Variants in ARHGAP26 observed in about 807,000 individuals in gnomAD.
ARHGAP26 encodes the protein rho GTPase-activating protein 26.
In ARHGAP26, 38 loss-of-function variants were observed where a neutral mutation model predicts 104.8. That is an observed-to-expected ratio of 0.36 (90% CI 0.28 to 0.48). The LOEUF (loss-of-function observed/expected upper bound fraction) is 0.48, where lower values mean the gene tolerates loss of function less well. Among genes scored for constraint, ARHGAP26 ranks in the 20% least tolerant of loss-of-function variants. The pLI is 0.99. For synonymous variants in ARHGAP26, 341 were observed against 340.0 expected (o/e 1.00, Z -0.03); for missense variants, 704 against 947.9 (o/e 0.74, Z 3.38).
intron 20 of ARHGAP26, among the ~76,000 whole-genome samples, chr5:143,161,251 A>G (rs1027872807): frequency 2.6e-5 from 4 of 151,962 alleles, no homozygotes; most frequent in African/African-American, 9.7e-5. Flanking sequence ...ACCTCAGGTG[A>G]TCCACCCGTC....
intron 11 of ARHGAP26, among the ~76,000 whole-genome samples, chr5:142,943,810 C>T (rs1056680817): frequency 9.2e-5 from 14 of 152,168 alleles, no homozygotes; most frequent in African/African-American, 3.4e-4. Context: ...CCTTTATAGG[C>T]TTGAGCACCT....
chr5:143,118,175 A>G (rs996438780), intron 17 of ARHGAP26, among the ~76,000 whole-genome samples: 4 of 152,238 alleles, frequency 2.6e-5, no homozygotes, highest in African/African-American at 9.6e-5. Flanking sequence ...AGAACATTTC[A>G]GGCAGAGGAA....
rs148468470 is a variant in ARHGAP26 at position 143,081,588 on chromosome 5, G to T, written c.1538+23841G>T. 2.6e-5 allele frequency among the ~76,000 whole-genome samples: 4 copies of T among 152,278 alleles called. No homozygotes were observed. The South Asian group carries it at 8.3e-4, about 32-fold the overall frequency. ...AGAAAATTACCTACCATCCGAAGAC[G>T]GTGAAAACAGAGGTGTCCTTGTTTA... On this transcript the variant is annotated intron_variant, in intron 17 of 22. Transcript: ENST00000645722.
chr5:143,187,267 A>C (rs1805293508), intron 20 of ARHGAP26, among the ~76,000 whole-genome samples: 1 of 152,222 alleles, frequency 6.6e-6, no homozygotes. Context: ...CTGTTAATTC[A>C]GTATTCTTAA....
chr5:143,192,917 T>C (rs1018925045), intron 20 of ARHGAP26, among the ~76,000 whole-genome samples: 14 of 152,336 alleles, frequency 9.2e-5, no homozygotes, highest in African/African-American at 3.1e-4. Context: ...TACATTTTAT[T>C]GTTGGATCCA....
intron 6 of ARHGAP26, among the ~76,000 whole-genome samples, chr5:142,894,638 CCAGAGGGGA>C (rs1353094731): frequency 6.6e-6 from 1 of 152,150 alleles, no homozygotes; most frequent in African/African-American, 2.4e-5. Flanking sequence ...AAATGGGAGT[CCAGAGGGGA>C]GGGGTTCTCT....
chr5:142,979,028 G>A (rs1773539337), intron 11 of ARHGAP26, among the ~76,000 whole-genome samples: 1 of 152,156 alleles, frequency 6.6e-6, no homozygotes, highest in Non-Finnish European at 1.5e-5. Context: ...GTGGACTTGG[G>A]TTGGGACTTG....
intron 9 of ARHGAP26, among the ~76,000 whole-genome samples, chr5:142,912,986 A>G (rs1226164854): frequency 6.6e-6 from 1 of 152,198 alleles, no homozygotes; most frequent in Non-Finnish European, 1.5e-5. Flanking sequence ...CGTACTAAAG[A>G]TGTTTGGGTC....
intron 1 of ARHGAP26, among the ~76,000 whole-genome samples, chr5:142,820,146 A>T (rs1277404010): frequency 2.0e-5 from 3 of 152,218 alleles, no homozygotes; most frequent in African/African-American, 4.8e-5. Context: ...TGCATTTCAC[A>T]TGCATTTAGA....
At chr5:142,869,173 C>T (rs1754851562) in intron 1 of ARHGAP26, among the ~76,000 whole-genome samples, 2 of 149,478 alleles carry the variant, frequency 1.3e-5, no homozygotes, top group African/African-American at 5.0e-5. Flanking sequence ...GAGCTGTAAT[C>T]ACTTTCTTTT....
At chr5:142,973,216 T>A (rs1360114836) in intron 11 of ARHGAP26, among the ~76,000 whole-genome samples, 1 of 152,060 alleles carries the variant, frequency 6.6e-6, no homozygotes, top group Non-Finnish European at 1.5e-5. Context: ...ATAGAAGAGA[T>A]CGTTAAAAAG....
At chr5:142,863,346 A>G (rs1285408973) in intron 1 of ARHGAP26, among the ~76,000 whole-genome samples, 1 of 152,090 alleles carries the variant, frequency 6.6e-6, no homozygotes, top group Non-Finnish European at 1.5e-5. Flanking sequence ...TGACCTCGTG[A>G]TCCGCCCACC....
Position 143,037,193 on chromosome 5 carries a change from C to T in ARHGAP26, c.1145-3C>T. 1.3e-6 allele frequency: 2 copies of T among 1,599,778 alleles called. No homozygotes were observed. The highest frequency in any genetic ancestry group is 1.7e-6 in the Non-Finnish European group (2 of 1,169,176). On this transcript the variant is annotated splice_region_variant and splice_polypyrimidine_tract_variant and intron_variant, in intron 12 of 22. Coordinates refer to ENST00000645722, the MANE Select transcript of ARHGAP26 (RefSeq NM_001135608.3). ...CTTGACTGTCCTTCTCTTGCTCTTT[C>T]AGCTGCGCAGTTGGACAGCATTGGC...
At chr5:143,132,967 C>T (rs1797530475) in intron 18 of ARHGAP26, among the ~76,000 whole-genome samples, 2 of 152,026 alleles carry the variant, frequency 1.3e-5, no homozygotes, top group Admixed American at 6.6e-5. Flanking sequence ...AGGACATTAC[C>T]TGTTGCTCAG....
chr5:142,900,439 G>A (rs368893652), intron 6 of ARHGAP26, among the ~76,000 whole-genome samples: 36 of 152,210 alleles, frequency 2.4e-4, no homozygotes, highest in African/African-American at 6.0e-4. Context: ...TAGATGGGCC[G>A]GGGACAGTGG....
chr5:143,039,134 T>G (rs1783082795), intron 13 of ARHGAP26, among the ~76,000 whole-genome samples: 1 of 152,146 alleles, frequency 6.6e-6, no homozygotes, highest in Admixed American at 6.6e-5. Context: ...ACTGTTTCCC[T>G]TTGACTCATC....
chr5:143,106,660 A>T (rs956069018), intron 17 of ARHGAP26, among the ~76,000 whole-genome samples: 3 of 151,776 alleles, frequency 2.0e-5, no homozygotes, highest in South Asian at 2.1e-4. Context: ...TTTAGTAGAG[A>T]CAGGGTTTCT....
At chr5:142,896,663 T>C (rs182963032) in intron 6 of ARHGAP26, among the ~76,000 whole-genome samples, 19 of 152,328 alleles carry the variant, frequency 1.2e-4, no homozygotes, top group African/African-American at 4.1e-4. Context: ...CATCCTGTTG[T>C]AGTGTGTCCA....
chr5:142,809,084 A>T (rs1268993050), intron 1 of ARHGAP26, among the ~76,000 whole-genome samples: 1 of 152,180 alleles, frequency 6.6e-6, no homozygotes, highest in African/African-American at 2.4e-5. Flanking sequence ...TTTTCAAAGG[A>T]CTTAGTTGAG....
Sources: allele counts gnomAD v4.1 joint callset (sites outside exome capture counted in the v4.1 genomes callset), GRCh38; gene constraint gnomAD v4.1.1; transcripts MANE v1.5; gene names NCBI Gene and HGNC (gene_info 2026-07-23, HGNC 2026-07-21).